The following DNAJC10 variants were observed in gnomAD, a reference collection of about 807,000 sequenced individuals.
DNAJC10 encodes the protein endoplasmic reticulum disulfide reductase DNAJC10.
In DNAJC10, 101 loss-of-function variants were observed where a neutral mutation model predicts 115.0. The observed-to-expected ratio is 0.88, with a 90% CI of 0.75 to 1.04. The LOEUF (loss-of-function observed/expected upper bound fraction) is 1.04, where lower values mean the gene tolerates loss of function less well. Ranked by LOEUF, DNAJC10 falls within the 50% of genes least tolerant of loss-of-function variation. The pLI is 0.00. For missense variants in DNAJC10, 981 were observed against 928.8 expected, an observed-to-expected ratio of 1.06 and a Z score of -0.73; for synonymous variants, 307 against 301.5, an observed-to-expected ratio of 1.02 and a Z score of -0.19.
At chr2:182,773,709 T>C (rs933057392) in intron 22 of DNAJC10, among the ~76,000 whole-genome samples, 2 of 152,222 alleles carry the variant, frequency 1.3e-5, no homozygotes, top group East Asian at 3.9e-4. Context: ...CTACACTGTT[T>C]ATTCTAGTTA....
intron 13 of DNAJC10, among the ~76,000 whole-genome samples, chr2:182,742,156 C>T (rs1693753036): frequency 6.6e-6 from 1 of 152,002 alleles, no homozygotes; most frequent in Non-Finnish European, 1.5e-5. Context: ...TTATATCAAA[C>T]GATGCAGAAC....
intron 3 of DNAJC10, among the ~76,000 whole-genome samples, chr2:182,719,287 ACTCT>A (rs1348001288): frequency 1.7e-5 from 2 of 119,540 alleles, no homozygotes; most frequent in African/African-American, 7.1e-5. Context: ...ATAGGGTCTC[ACTCT>A]CTTGCCCAGA....
At chr2:182,763,410 G>A (rs1366455760) in intron 22 of DNAJC10, among the ~76,000 whole-genome samples, 1 of 152,040 alleles carries the variant, frequency 6.6e-6, no homozygotes, top group Non-Finnish European at 1.5e-5. Context: ...AATTCCAGCT[G>A]AACGGGGGCA....
At chr2:182,752,007 A>G in intron 15 of DNAJC10, 65 bp from the exon 16 acceptor site, 1 of 1,349,780 alleles carries the variant, frequency 7.4e-7, no homozygotes, top group South Asian at 1.2e-5. Flanking sequence ...TACTTGTTGC[A>G]GAAATGATGG....
chr2:182,734,275 GAT>G (rs375425715), intron 10 of DNAJC10, among the ~76,000 whole-genome samples: 14 of 148,962 alleles, frequency 9.4e-5, no homozygotes, highest in Admixed American at 4.0e-4. Flanking sequence ...CTTCTATTTT[GAT>G]ATATATATAT....
At chr2:182,762,422 G>A (rs1380397206) in intron 21 of DNAJC10, among the ~76,000 whole-genome samples, 1 of 152,072 alleles carries the variant, frequency 6.6e-6, no homozygotes, top group Non-Finnish European at 1.5e-5. Flanking sequence ...GTGGGTGGCA[G>A]GAAGAAGTTG....
intron 14 of DNAJC10, among the ~76,000 whole-genome samples, chr2:182,743,970 G>A (rs1693800876): frequency 1.3e-5 from 2 of 152,226 alleles, no homozygotes; most frequent in South Asian, 4.2e-4. Flanking sequence ...AGAAATTTAA[G>A]TCCTGCTTGT....
chr2:182,776,543 C>G (rs1487878385), intron 23 of DNAJC10, among the ~76,000 whole-genome samples: 1 of 152,126 alleles, frequency 6.6e-6, no homozygotes, highest in Non-Finnish European at 1.5e-5. Context: ...ATAGCTCAGC[C>G]TCTGGAAAGG....
intron 8 of DNAJC10, 29 bp from the exon 9 acceptor site, chr2:182,731,001 G>T: frequency 6.5e-7 from 1 of 1,534,608 alleles, no homozygotes; most frequent in Admixed American, 1.7e-5. Flanking sequence ...TAGGTGATCA[G>T]AATTTGCTTT....
chr2:182,742,410 G>C (rs529050722), intron 13 of DNAJC10, among the ~76,000 whole-genome samples: 1 of 152,098 alleles, frequency 6.6e-6, no homozygotes, highest in East Asian at 1.9e-4. Flanking sequence ...AGCTGGCCTC[G>C]AACTCCTGAC....
chr2:182,755,169 G>A (rs1162509346), intron 17 of DNAJC10, 65 bp downstream of exon 17: 3 of 918,252 alleles, frequency 3.3e-6, no homozygotes, highest in Non-Finnish European at 5.3e-6. Context: ...CTGTATGAAT[G>A]TTTCATATTG....
rs1200959800 is a variant in DNAJC10, at chr2:182,756,451, A to G, written c.1791A>G (p.Glu597=). The G allele has an allele frequency of 1.9e-6, 3 of 1,613,570 alleles. No individual in the cohort carries two copies. The African/African-American group carries it at 4.0e-5, about 22-fold the overall frequency. The part of the protein sequence containing the change: ...WCHPCQVLMP[E]WKRMARTLTG... ...ATCCTTGCCAAGTCTTAATGCCAGA[A>G]TGGAAAAGAATGGCCCGGGTATAGT... Residue 597 remains glutamate, a synonymous_variant, in exon 18 of 24, where the codon GAA becomes GAG. Transcript: ENST00000264065.
At chr2:182,716,700 C>T (rs1212449341) in intron 1 of DNAJC10, among the ~76,000 whole-genome samples, 1 of 152,364 alleles carries the variant, frequency 6.6e-6, no homozygotes. Flanking sequence ...CACTTTCTCC[C>T]TAAGTCCGAC....
In DNAJC10 at chr2:182,740,382, A is replaced by G. The variant is rs774496925; in HGVS notation, c.1071A>G (p.Thr357=). 1.9e-6 allele frequency: 3 copies of G among 1,568,514 alleles called. No individual in the cohort carries two copies. The highest frequency in any genetic ancestry group is 2.6e-6 in the Non-Finnish European group (3 of 1,163,680). Residue 357 remains threonine (T), a synonymous_variant, in exon 12 of 24, where the codon ACA becomes ACG. Coordinates refer to ENST00000264065, the MANE Select transcript of DNAJC10 (RefSeq NM_018981.4). ...ATTTTGAACTACTTTCGGCAAACAC[A>G]CTAGAGGTAATGTTTTTATTAATAA... is the stretch of plus-strand genomic sequence containing the variant. ...LPDFELLSAN[T]LEDRLAHHRW...
chr2:182,738,799 C>G (rs1189937858), intron 11 of DNAJC10, among the ~76,000 whole-genome samples: 1 of 152,126 alleles, frequency 6.6e-6, no homozygotes, highest in African/African-American at 2.4e-5. Context: ...CTCGGCCTCC[C>G]AAAGTGTTGG....
At chr2:182,762,596 CA>C (rs1694312981) in intron 21 of DNAJC10, 85 bp from the exon 22 acceptor site, 1 of 1,353,388 alleles carries the variant, frequency 7.4e-7, no homozygotes, top group Non-Finnish European at 1.0e-6. Context: ...TTCTTAGATT[CA>C]AAATGTTTTA....
chr2:182,764,376 A>G (rs1165258489), intron 22 of DNAJC10, among the ~76,000 whole-genome samples: 1 of 152,118 alleles, frequency 6.6e-6, no homozygotes, highest in Non-Finnish European at 1.5e-5. Context: ...TTGCTAATAT[A>G]ATAATAGCTG....
chr2:182,793,819 A>ATCACAC lies in DNAJC10; in HGVS notation c.*16688_*16693dup, dbSNP rs1695094241. The ATCACAC allele has an allele frequency of 1.5e-5, 1 of 67,272 alleles. No individual in the cohort carries two copies. Among genetic ancestry groups the ATCACAC allele is most frequent in the African/African-American group, 7.7e-5 (1 of 12,990 alleles). The allele number at this position is 67,272 out of a possible 1,614,324, so 4.2% of individuals were successfully genotyped here. ...CTAAAATTTTCCAGAGAGGAAACACATCACACACACACACACACACACACA... is the reference window on the plus strand; with the variant it reads ...CTAAAATTTTCCAGAGAGGAAACACATCACACTCACACACACACACACACACACACA... On this transcript the variant is annotated 3_prime_UTR_variant, in exon 24 of 24. Transcript: ENST00000264065.
At chr2:182,766,428 C>G (rs1306127977) in intron 22 of DNAJC10, among the ~76,000 whole-genome samples, 1 of 152,140 alleles carries the variant, frequency 6.6e-6, no homozygotes, top group Non-Finnish European at 1.5e-5. Flanking sequence ...ATGCCCTTCA[C>G]ATGTGCAAGA....
Sources: gnomAD v4.1 joint callset for allele counts (sites outside exome capture counted in the v4.1 genomes callset) on GRCh38, gnomAD v4.1.1 for gene constraint, MANE v1.5 for transcripts, NCBI Gene and HGNC (gene_info 2026-07-23, HGNC 2026-07-21) for gene names.